ROBO2: variants seen among roughly 807,000 people sequenced by gnomAD.
ROBO2 encodes roundabout guidance receptor 2.
ROBO2 carries 53 observed loss-of-function variants against 160.8 expected under a neutral mutation model. The observed-to-expected ratio is 0.33, with a 90% CI of 0.26 to 0.41. The LOEUF (loss-of-function observed/expected upper bound fraction) is 0.41. Among genes scored for constraint, ROBO2 ranks in the 10% least tolerant of loss-of-function variants. The probability of loss-of-function intolerance (pLI) is 1.00; values close to 1 mark genes in which losing one functional copy is unlikely to be tolerated. For missense variants in ROBO2, 1,577 were observed against 1,722.4 expected (o/e 0.92, Z 1.49); for synonymous variants, 664 against 611.7 (o/e 1.09, Z -1.26).
intron 2 of ROBO2, among the ~76,000 whole-genome samples, chr3:76,886,134 C>A (rs1424357246): frequency 1.3e-5 from 2 of 152,062 alleles, no homozygotes; most frequent in African/African-American, 4.8e-5. Flanking sequence ...TTTTTGCTCT[C>A]CCTCTGTCTC....
In ROBO2 at chr3:76,419,158, G is replaced by A. The variant is rs181325039; in HGVS notation, c.109+481556G>A. 5.9e-3 allele frequency among the ~76,000 whole-genome samples: 895 copies of A among 152,186 alleles called. 8 individuals are homozygous for A. Among genetic ancestry groups the A allele is most frequent in the South Asian group, 0.048 (230 of 4,826 alleles). On this transcript the variant is annotated intron_variant, in intron 2 of 26. Coordinates refer to the ROBO2 transcript ENST00000487694. ...AACACAGATAAATCACCATAAAATG[G>A]AAAAATACGTGTCAAAAATTATGTC...
chr3:76,991,691 T>C (rs556027722), intron 2 of ROBO2, among the ~76,000 whole-genome samples: 9 of 152,340 alleles, frequency 5.9e-5, no homozygotes, highest in South Asian at 2.1e-4. Flanking sequence ...ATTAACATAT[T>C]ATGCTTTTGA....
intron 20 of ROBO2, among the ~76,000 whole-genome samples, chr3:77,603,460 C>G (rs1037917189): frequency 6.6e-6 from 1 of 151,956 alleles, no homozygotes; most frequent in Non-Finnish European, 1.5e-5. Context: ...ATGTGACCTC[C>G]TATTTTTGGA....
chr3:76,900,277 G>A (rs988083746), intron 2 of ROBO2, among the ~76,000 whole-genome samples: 28 of 152,248 alleles, frequency 1.8e-4, no homozygotes, highest in Non-Finnish European at 3.1e-4. Context: ...GGGTGGGGAC[G>A]TAAAGCCCAA....
rs149379804 is a variant in ROBO2 at position 77,272,388 on chromosome 3, C to T, written c.388+174048C>T. Among the ~76,000 whole-genome samples, 28 of 152,118 alleles carry T rather than the reference C, an allele frequency of 1.8e-4. No homozygotes were observed. In the East Asian group the frequency reaches 5.4e-3, roughly 30 times the overall value. ...GTGAAGGGGAAGCAGACATGTCTTA[C>T]ATGGCAGGAGCAGGAGGAAGAGAAG... On this transcript the variant is annotated intron_variant, in intron 2 of 25. Transcript: ENST00000461745.
chr3:76,512,614 C>T (rs1316343993), intron 2 of ROBO2, among the ~76,000 whole-genome samples: 2 of 152,126 alleles, frequency 1.3e-5, no homozygotes, highest in Non-Finnish European at 2.9e-5. Flanking sequence ...CACCCACAGA[C>T]AGCACACCCG....
chr3:76,578,133 A>G (rs902171034), intron 2 of ROBO2, among the ~76,000 whole-genome samples: 3 of 152,154 alleles, frequency 2.0e-5, no homozygotes, highest in African/African-American at 7.2e-5. Flanking sequence ...CCATGCCCCA[A>G]TTTCTTTGTA....
At chr3:77,153,200 T>C (rs1478974025) in intron 2 of ROBO2, among the ~76,000 whole-genome samples, 1 of 152,186 alleles carries the variant, frequency 6.6e-6, no homozygotes, top group Non-Finnish European at 1.5e-5. Context: ...TGGTAGACTT[T>C]TCCAGTGGTG....
chr3:76,547,870 A>G (rs1377972963), intron 2 of ROBO2, among the ~76,000 whole-genome samples: 1 of 152,176 alleles, frequency 6.6e-6, no homozygotes, highest in African/African-American at 2.4e-5. Flanking sequence ...AGTGATTAGC[A>G]TAAGCACTAC....
chr3:76,042,276 G>C (rs189339887), intron 2 of ROBO2, among the ~76,000 whole-genome samples: 1 of 151,992 alleles, frequency 6.6e-6, no homozygotes, highest in Non-Finnish European at 1.5e-5. Flanking sequence ...ATATGCAGGT[G>C]TATATAAGAA....
chr3:77,418,896 A>C (rs2077479402), intron 2 of ROBO2, among the ~76,000 whole-genome samples: 1 of 152,108 alleles, frequency 6.6e-6, no homozygotes, highest in Non-Finnish European at 1.5e-5. Flanking sequence ...TCATATGGGC[A>C]AAAGGGATGG....
chr3:76,276,280 G>A (rs1707913674), intron 2 of ROBO2, among the ~76,000 whole-genome samples: 1 of 152,036 alleles, frequency 6.6e-6, no homozygotes, highest in Middle Eastern at 3.4e-3. Flanking sequence ...TTATGTTTCT[G>A]TTCTAATATC....
intron 2 of ROBO2, among the ~76,000 whole-genome samples, chr3:76,255,765 T>C (rs1706318454): frequency 6.6e-6 from 1 of 152,106 alleles, no homozygotes; most frequent in Non-Finnish European, 1.5e-5. Flanking sequence ...ATGCCTGTTG[T>C]ATAGACAATT....
At chr3:76,950,631 C>G (rs2078898763) in intron 2 of ROBO2, among the ~76,000 whole-genome samples, 2 of 152,160 alleles carry the variant, frequency 1.3e-5, no homozygotes, top group African/African-American at 2.4e-5. Flanking sequence ...ATGGATCACA[C>G]TTTGAGTAAA....
chr3:76,240,146 T>C (rs976979227), intron 2 of ROBO2, among the ~76,000 whole-genome samples: 8 of 152,144 alleles, frequency 5.3e-5, no homozygotes, highest in African/African-American at 1.9e-4. Context: ...TTCTTTATTA[T>C]TATGCTGTAA....
chr3:76,135,787 C>A (rs2071406465), intron 2 of ROBO2, among the ~76,000 whole-genome samples: 1 of 152,090 alleles, frequency 6.6e-6, no homozygotes. Flanking sequence ...TTTGTAAGGA[C>A]ATCTAAATAG....
chr3:76,791,393 C>A (rs2063340136), intron 2 of ROBO2, among the ~76,000 whole-genome samples: 1 of 151,706 alleles, frequency 6.6e-6, no homozygotes, highest in Admixed American at 6.6e-5. Flanking sequence ...TAGACTGTGG[C>A]AGAAGAGATG....
chr3:76,351,153 T>TA (rs1431725086), intron 2 of ROBO2, among the ~76,000 whole-genome samples: 2 of 151,938 alleles, frequency 1.3e-5, no homozygotes. Context: ...CTTTTATAGG[T>TA]AAAAAAATTG....
chr3:77,442,268 C>T (rs1013345510), intron 2 of ROBO2, among the ~76,000 whole-genome samples: 13 of 151,484 alleles, frequency 8.6e-5, no homozygotes, highest in Non-Finnish European at 1.5e-4. Flanking sequence ...GCTGAGATCG[C>T]GCCACTGAAC....
Sources: allele counts gnomAD v4.1 joint callset (sites outside exome capture counted in the v4.1 genomes callset), GRCh38; gene constraint gnomAD v4.1.1; transcripts MANE v1.5; gene names NCBI Gene and HGNC (gene_info 2026-07-23, HGNC 2026-07-21).